The following CADM2 variants were observed in gnomAD, a reference collection of about 807,000 sequenced individuals.
CADM2 encodes the protein immunoglobulin superfamily member 4D.
In CADM2, 12 loss-of-function variants were observed where a neutral mutation model predicts 49.8. The ratio of observed to expected loss-of-function variants is 0.24; its 90% CI spans 0.15 to 0.39. CADM2 has a LOEUF of 0.39. Among genes scored for constraint, CADM2 ranks in the 10% least tolerant of loss-of-function variants. The pLI, the probability that CADM2 is intolerant of heterozygous loss-of-function variation, is 1.00. For missense variants in CADM2, 378 were observed against 492.3 expected, an observed-to-expected ratio of 0.77 and a Z score of 2.20; for synonymous variants, 214 against 175.4, an observed-to-expected ratio of 1.22 and a Z score of -1.74.
chr3:85,453,930 C>T (rs867937742), intron 1 of CADM2, among the ~76,000 whole-genome samples: 26 of 151,992 alleles, frequency 1.7e-4, no homozygotes, highest in African/African-American at 3.9e-4. Context: ...AAACTAGAAA[C>T]GGCAATATTT....
chr3:85,871,668 A>T (rs549176723), intron 3 of CADM2, among the ~76,000 whole-genome samples: 73 of 152,280 alleles, frequency 4.8e-4, no homozygotes, highest in Middle Eastern at 3.4e-3. Context: ...GTTTTGTCAG[A>T]TAGTGCATAC....
chr3:85,823,280 C>T (rs72908557), intron 3 of CADM2, among the ~76,000 whole-genome samples: 5,554 of 152,098 alleles, frequency 0.037, 317 homozygotes, highest in African/African-American at 0.13. Flanking sequence ...ACAAATTTTA[C>T]GAAATAGCTA....
chr3:85,285,470 G>A (rs2043611286), intron 1 of CADM2, among the ~76,000 whole-genome samples: 1 of 152,110 alleles, frequency 6.6e-6, no homozygotes, highest in African/African-American at 2.4e-5. Context: ...ACATTCAGGA[G>A]TGAGTTAGAA....
intron 8 of CADM2, among the ~76,000 whole-genome samples, chr3:85,987,596 G>A (rs1450119898): frequency 2.1e-5 from 3 of 144,724 alleles, no homozygotes; most frequent in Non-Finnish European, 4.5e-5. Context: ...AAATAAAATT[G>A]TTATAATAAA....
intron 1 of CADM2, among the ~76,000 whole-genome samples, chr3:85,504,751 G>GC (rs2107671885): frequency 6.6e-6 from 1 of 152,310 alleles, no homozygotes; most frequent in South Asian, 2.1e-4. Context: ...GGAGGCTCGG[G>GC]CCGCACAGGA....
chr3:85,382,988 A>T (rs1356518138), intron 1 of CADM2, among the ~76,000 whole-genome samples: 2 of 152,120 alleles, frequency 1.3e-5, no homozygotes, highest in Non-Finnish European at 2.9e-5. Flanking sequence ...TTGCAGGTAG[A>T]CAATGCTGAA....
At position 85,071,970 on chromosome 3, in the gene CADM2, A is replaced by C. The variant is rs1420399190; in HGVS notation, c.61+112302A>C. Among the ~76,000 whole-genome samples, 8 of 150,614 alleles carry C rather than the reference A, an allele frequency of 5.3e-5. 1 individual carries two copies. The South Asian group carries it at 6.2e-4, about 12-fold the overall frequency. Reference sequence around the variant, plus strand: ...TTTTCTTCTATATAATAATAATATAATACAAATATATATATATGAAATGGT... The same window carrying C: ...TTTTCTTCTATATAATAATAATATACTACAAATATATATATATGAAATGGT... On this transcript the variant is annotated intron_variant, in intron 1 of 9. Transcript: ENST00000383699.
chr3:85,833,305 G>A (rs963598689), intron 3 of CADM2, among the ~76,000 whole-genome samples: 1 of 150,424 alleles, frequency 6.6e-6, no homozygotes, highest in African/African-American at 2.5e-5. Flanking sequence ...TGTTGTTGTT[G>A]TGTCTTTGTT....
chr3:85,328,928 A>C (rs2044831602), intron 1 of CADM2, among the ~76,000 whole-genome samples: 1 of 149,952 alleles, frequency 6.7e-6, no homozygotes, highest in Non-Finnish European at 1.5e-5. Flanking sequence ...GTTATGTTGG[A>C]GACCTGAAAC....
intron 8 of CADM2, among the ~76,000 whole-genome samples, chr3:86,042,429 C>T (rs1329136750): frequency 1.3e-5 from 2 of 152,084 alleles, no homozygotes; most frequent in African/African-American, 2.4e-5. Flanking sequence ...TACAAACTAC[C>T]ATCAGAGAAT....
At chr3:85,908,390 C>T (rs2048934226) in intron 5 of CADM2, among the ~76,000 whole-genome samples, 1 of 150,374 alleles carries the variant, frequency 6.7e-6, no homozygotes, top group African/African-American at 2.4e-5. Context: ...AAGATCTAAT[C>T]TCCTGAATAT....
chr3:85,820,300 C>T (rs2073474356), intron 3 of CADM2, among the ~76,000 whole-genome samples: 1 of 151,854 alleles, frequency 6.6e-6, no homozygotes, highest in Admixed American at 6.6e-5. Context: ...TTAGATGATC[C>T]TATAAACATT....
chr3:85,762,110 C>G (rs560540774), intron 2 of CADM2, among the ~76,000 whole-genome samples: 2 of 152,246 alleles, frequency 1.3e-5, no homozygotes, highest in Middle Eastern at 6.8e-3. Context: ...AACAAACAAA[C>G]ACGGGAAATC....
chr3:85,057,115 A>G (rs2036110508), intron 1 of CADM2, among the ~76,000 whole-genome samples: 1 of 152,148 alleles, frequency 6.6e-6, no homozygotes, highest in Admixed American at 6.5e-5. Flanking sequence ...GATTTCTTAA[A>G]CAGATGAAAT....
chr3:85,341,856 G>A (rs894050946), intron 1 of CADM2, among the ~76,000 whole-genome samples: 7 of 152,032 alleles, frequency 4.6e-5, no homozygotes, highest in Non-Finnish European at 8.8e-5. Flanking sequence ...GATATATGTT[G>A]AGACTTGAAC....
chr3:85,674,437 G>A (rs531648916), intron 1 of CADM2, among the ~76,000 whole-genome samples: 7 of 152,142 alleles, frequency 4.6e-5, no homozygotes, highest in South Asian at 4.1e-4. Context: ...TAGAAACCTC[G>A]TAAAATCTCT....
chr3:85,782,473 G>A (rs1043836407), intron 2 of CADM2, among the ~76,000 whole-genome samples: 1 of 151,600 alleles, frequency 6.6e-6, no homozygotes, highest in African/African-American at 2.4e-5. Context: ...TCAGGAGATC[G>A]AGACCATCCT....
chr3:85,916,799 G>C (rs1238786284), intron 6 of CADM2, among the ~76,000 whole-genome samples: 1 of 152,062 alleles, frequency 6.6e-6, no homozygotes, highest in African/African-American at 2.4e-5. Context: ...CAGTGTAAAA[G>C]TGTTTCTATT....
At chr3:85,844,385 T>A (rs1448094603) in intron 3 of CADM2, among the ~76,000 whole-genome samples, 3 of 152,154 alleles carry the variant, frequency 2.0e-5, no homozygotes, top group Non-Finnish European at 4.4e-5. Context: ...AATGTGTTTT[T>A]AAAATATGTT....
Sources: gnomAD v4.1 joint callset for allele counts (sites outside exome capture counted in the v4.1 genomes callset) on GRCh38, gnomAD v4.1.1 for gene constraint, MANE v1.5 for transcripts, NCBI Gene and HGNC (gene_info 2026-07-23, HGNC 2026-07-21) for gene names.